Variants in CBLB observed in about 807,000 individuals in gnomAD.
CBLB encodes the protein Cbl proto-oncogene B.
In CBLB, 31 loss-of-function variants were observed where a neutral mutation model predicts 104.9. The ratio of observed to expected loss-of-function variants is 0.30; its 90% confidence interval spans 0.22 to 0.40. The LOEUF (loss-of-function observed/expected upper bound fraction) is 0.40, where lower values mean the gene tolerates loss of function less well. Among genes scored for constraint, CBLB ranks in the 10% least tolerant of loss-of-function variants. The pLI is 1.00. For synonymous variants in CBLB, 440 were observed against 422.6 expected (o/e 1.04, Z -0.51); for missense variants, 1,062 against 1,214.6 (o/e 0.87, Z 1.87).
At chr3:105,778,928 C>T (rs1216666204) in intron 3 of CBLB, among the ~76,000 whole-genome samples, 1 of 152,050 alleles carries the variant, frequency 6.6e-6, no homozygotes, top group African/African-American at 2.4e-5. Context: ...AAACTACAAC[C>T]GACTTTAAAG....
rs55944080 is a variant in CBLB, at chr3:105,867,592, C to A, written c.-14-1G>T. ...GAGTTTGCCATCTGGAATTTTAGTT[C>A]TTTAAAAGGCAGATTTAAAAAAAGA... On this transcript the variant is annotated splice_acceptor_variant, in intron 1 of 18. Transcript: ENST00000394030. LOFTEE classifies it low-confidence loss of function (5UTR_SPLICE). 178 of 1,613,662 alleles carry A rather than the reference C, an allele frequency of 1.1e-4. 2 individuals carry two copies. The East Asian group carries it at 3.7e-3, about 34-fold the overall frequency.
chr3:105,812,481 C>T (rs1027412317), intron 3 of CBLB, among the ~76,000 whole-genome samples: 3 of 152,198 alleles, frequency 2.0e-5, no homozygotes, highest in Non-Finnish European at 4.4e-5. Flanking sequence ...AAGTCTGGAA[C>T]ATCTTTTCTG....
chr3:105,772,492 CA>C (rs1442147110), intron 4 of CBLB, among the ~76,000 whole-genome samples: 1 of 152,042 alleles, frequency 6.6e-6, no homozygotes, highest in Non-Finnish European at 1.5e-5. Flanking sequence ...ACCTCAAAAG[CA>C]AATGCATAAA....
At position 105,712,167 on chromosome 3, in the gene CBLB, T is replaced by C. The variant is rs188929452; in HGVS notation, c.1407+7880A>G. 2.1e-3 allele frequency among the ~76,000 whole-genome samples: 323 copies of C among 152,310 alleles called. 4 individuals carry two copies. Among genetic ancestry groups the C allele is most frequent in the African/African-American group, 7.3e-3 (303 of 41,592 alleles). ...TCTCCTGGCCTATGATCAGCCTCCA[T>C]AACCTTGAAATTTCTTTAAAGTTTT... On this transcript the variant is annotated intron_variant, in intron 10 of 18. Coordinates refer to ENST00000394030, the MANE Select transcript of CBLB (RefSeq NM_170662.5).
intron 2 of CBLB, among the ~76,000 whole-genome samples, chr3:105,862,729 G>T (rs1185229356): frequency 1.3e-5 from 2 of 152,004 alleles, no homozygotes; most frequent in Non-Finnish European, 2.9e-5. Context: ...AAAATTATTT[G>T]ACAAAAGCAA....
chr3:105,790,172 A>G (rs775785121), intron 3 of CBLB, among the ~76,000 whole-genome samples: 4 of 152,250 alleles, frequency 2.6e-5, no homozygotes, highest in Non-Finnish European at 5.9e-5. Flanking sequence ...AAATTTTAAT[A>G]TTTCTGTTAA....
chr3:105,774,853 C>A (rs1396623375), intron 4 of CBLB, among the ~76,000 whole-genome samples: 2 of 151,866 alleles, frequency 1.3e-5, no homozygotes, highest in African/African-American at 4.8e-5. Context: ...AAAGAAATAC[C>A]ATAATCAATT....
Position 105,659,052 on chromosome 3 carries a change from G to A in CBLB, c.2867C>T (p.Ala956Val). ...CCGGGCAACTTCGACATTATTCTGG[G>A]CTATCTCTAAGGCTCTCTTCACCTC... ...FEEVKRALEI[A>V]QNNVEVARSI... The change falls in exon 19 of 19, where the codon GCC becomes GTC. Residue 956 changes from alanine to valine, a missense_variant. Transcript: ENST00000394030. 6.2e-7 allele frequency: 1 copy of A among 1,613,948 alleles called. No homozygotes were observed. The highest frequency in any genetic ancestry group is 8.5e-7 in the Non-Finnish European group (1 of 1,179,904).
At chr3:105,800,587 T>C (rs1214272777) in intron 3 of CBLB, among the ~76,000 whole-genome samples, 2 of 152,162 alleles carry the variant, frequency 1.3e-5, no homozygotes, top group Admixed American at 6.5e-5. Flanking sequence ...CTTAGACTTA[T>C]TGAAATAGCA....
Position 105,657,607 on chromosome 3 carries a change from T to C in CBLB, c.*1363A>G, listed in dbSNP as rs2152655216. 4.9e-6 allele frequency: 1 copy of C among 204,164 alleles called. No individual in the cohort carries two copies. Among genetic ancestry groups the C allele is most frequent in the South Asian group, 1.9e-4 (1 of 5,280 alleles). 12.6% of individuals were successfully genotyped at this position (204,164 alleles called of 1,614,324 possible). A position where few individuals can be genotyped will look rare whatever the true frequency, so the allele number is the denominator to read the frequency against. ...GAGAGTTTGTGCTTTAAAAACACAG[T>C]GCCTAACAGCACCAAGCATATCATA... On this transcript the variant is annotated 3_prime_UTR_variant, in exon 19 of 19. Coordinates refer to ENST00000394030, the MANE Select transcript of CBLB (RefSeq NM_170662.5).
chr3:105,667,977 A>T (rs1222282858), intron 18 of CBLB, among the ~76,000 whole-genome samples: 1 of 152,236 alleles, frequency 6.6e-6, no homozygotes, highest in Non-Finnish European at 1.5e-5. Context: ...TCTAGAAGGC[A>T]AGCTCAGTCT....
At chr3:105,714,478 G>C (rs1202206341) in intron 10 of CBLB, among the ~76,000 whole-genome samples, 1 of 152,166 alleles carries the variant, frequency 6.6e-6, no homozygotes, top group Non-Finnish European at 1.5e-5. Flanking sequence ...ATGGGAGACA[G>C]TGACAGATCA....
chr3:105,713,711 G>C (rs181218198), intron 10 of CBLB, among the ~76,000 whole-genome samples: 1 of 152,268 alleles, frequency 6.6e-6, no homozygotes, highest in Admixed American at 6.5e-5. Context: ...GCTTTTAGAA[G>C]ATCAGTAAAC....
intron 4 of CBLB, among the ~76,000 whole-genome samples, chr3:105,769,709 G>A (rs183223662): frequency 5.8e-4 from 88 of 152,286 alleles, no homozygotes; most frequent in African/African-American, 1.2e-3. Context: ...TAAGTATACC[G>A]AAATGATAAG....
chr3:105,735,994 T>C (rs1477121973), intron 8 of CBLB, among the ~76,000 whole-genome samples: 2 of 152,112 alleles, frequency 1.3e-5, no homozygotes, highest in South Asian at 2.1e-4. Context: ...ACGTACAATA[T>C]GTACATATAA....
chr3:105,809,451 C>T (rs1198126474), intron 3 of CBLB, among the ~76,000 whole-genome samples: 1 of 152,174 alleles, frequency 6.6e-6, no homozygotes, highest in Non-Finnish European at 1.5e-5. Flanking sequence ...TAGATGCTCC[C>T]ATCACAGAGC....
intron 17 of CBLB, chr3:105,674,116 G>A (rs370055804): frequency 2.0e-5 from 3 of 152,160 alleles, no homozygotes; most frequent in Admixed American, 6.5e-5. Flanking sequence ...TTGTGAATCC[G>A]GAGAACACAA....
At chr3:105,833,907 T>A (rs917309491) in intron 3 of CBLB, among the ~76,000 whole-genome samples, 1 of 148,524 alleles carries the variant, frequency 6.7e-6, no homozygotes, top group African/African-American at 2.5e-5. Context: ...CCTTTCGTTT[T>A]AAAAAAAAAA....
At position 105,693,540 on chromosome 3, in the gene CBLB, G is replaced by C; in HGVS notation, c.2008C>G (p.Arg670Gly). ...GTAACTGGAGGAGGAGGAGAAAGCC[G>C]GGGAGGAACATCATATTCTTCACTT... ...LGSEEYDVPP[R>G]LSPPPPVTTL... The change falls in exon 13 of 19, where the codon CGG becomes GGG. Residue 670 changes from arginine to glycine, a missense_variant. Physicochemically the swap from Arg to Gly is moderately radical, Grantham distance 125. Around this residue, in one of 2 missense-constraint regions of CBLB, gnomAD observed 605 missense variants for 582.6 expected, o/e 1.04. Coordinates refer to ENST00000394030, the MANE Select transcript of CBLB (RefSeq NM_170662.5). The C allele has an allele frequency of 6.2e-7, 1 of 1,612,556 alleles. No homozygotes were observed. Among genetic ancestry groups the C allele is most frequent in the Non-Finnish European group, 8.5e-7 (1 of 1,178,834 alleles).
Sources: gnomAD v4.1 joint callset for allele counts (sites outside exome capture counted in the v4.1 genomes callset) on GRCh38, gnomAD v4.1.1 for gene constraint, gnomAD v4.1.1 regional missense constraint, MANE v1.5 for transcripts, NCBI Gene and HGNC (gene_info 2026-07-23, HGNC 2026-07-21) for gene names.